The following PIK3R1 variants were observed in gnomAD, a reference collection of about 807,000 sequenced individuals.
PIK3R1 encodes the protein phosphatidylinositol 3-kinase regulatory subunit alpha.
Under a neutral mutation model 98.0 loss-of-function variants are expected in PIK3R1, and 29 were observed. That is an observed-to-expected ratio of 0.30 (90% CI 0.22 to 0.40). The LOEUF (loss-of-function observed/expected upper bound fraction) is 0.40. PIK3R1 is among the 10% of genes least tolerant of loss of function. The probability of loss-of-function intolerance (pLI) is 1.00; values close to 1 mark genes in which losing one functional copy is unlikely to be tolerated. For synonymous variants in PIK3R1, 282 were observed against 311.8 expected (o/e 0.90, Z 1.01); for missense variants, 596 against 872.7 (o/e 0.68, Z 3.99).
In PIK3R1 at chr5:68,279,590, ATTGT is replaced by A; in HGVS notation, c.503-9_503-6del. On this transcript the variant is annotated splice_region_variant and splice_polypyrimidine_tract_variant and intron_variant, in intron 4 of 15. Coordinates refer to ENST00000521381, the MANE Select transcript of PIK3R1 (RefSeq NM_181523.3). Reference sequence around the variant, plus strand: ...AATAAATGTCTGAAATATTTCTTAAATTGTTTCCTAGATACACCCTCCGTGGACT... The same window carrying A: ...AATAAATGTCTGAAATATTTCTTAAATTCCTAGATACACCCTCCGTGGACT... 2 of 1,609,006 alleles carry A rather than the reference ATTGT, an allele frequency of 1.2e-6. No individual in the cohort carries two copies. The highest frequency in any genetic ancestry group is 1.7e-6 in the Non-Finnish European group (2 of 1,177,424).
intron 4 of PIK3R1, among the ~76,000 whole-genome samples, chr5:68,276,197 G>T (rs1042288266): frequency 6.6e-6 from 1 of 152,106 alleles, no homozygotes; most frequent in Non-Finnish European, 1.5e-5. Flanking sequence ...GGCTTTCTTA[G>T]CCTTGGTACT....
chr5:68,247,489 A>G (rs1346410487), intron 2 of PIK3R1, among the ~76,000 whole-genome samples: 1 of 150,874 alleles, frequency 6.6e-6, no homozygotes, highest in African/African-American at 2.4e-5. Context: ...ATGGGGTTTC[A>G]CCATGTTGCC....
At chr5:68,293,610 T>A (rs911712708) in intron 10 of PIK3R1, 99 bp from the exon 11 acceptor site, 13 of 1,151,514 alleles carry the variant, frequency 1.1e-5, no homozygotes, top group Non-Finnish European at 1.6e-5. Flanking sequence ...CGTAATTACA[T>A]AATTGCAATT....
At chr5:68,233,949 T>G (rs1737378180) in intron 2 of PIK3R1, among the ~76,000 whole-genome samples, 1 of 152,232 alleles carries the variant, frequency 6.6e-6, no homozygotes, top group African/African-American at 2.4e-5. Flanking sequence ...GTTGGTAGAT[T>G]ATGTAATGCC....
chr5:68,266,431 GTTAATTA>G (rs1213227585), intron 2 of PIK3R1, among the ~76,000 whole-genome samples: 1 of 152,098 alleles, frequency 6.6e-6, no homozygotes, highest in Admixed American at 6.5e-5. Flanking sequence ...CATTTACAGT[GTTAATTA>G]TCTGCATTTC....
chr5:68,274,607 A>G (rs185562519), intron 4 of PIK3R1, among the ~76,000 whole-genome samples: 1 of 152,248 alleles, frequency 6.6e-6, no homozygotes, highest in East Asian at 1.9e-4. Flanking sequence ...GCATCTGCCC[A>G]TTTTTGTGGC....
intron 2 of PIK3R1, among the ~76,000 whole-genome samples, chr5:68,245,511 C>T (rs1295453423): frequency 4.6e-5 from 7 of 152,298 alleles, no homozygotes. Flanking sequence ...GAGTTCTGAA[C>T]AATGCCCTTG....
intron 11 of PIK3R1, 49 bp downstream of exon 11, chr5:68,293,883 TAA>T: frequency 7.1e-7 from 1 of 1,412,806 alleles, no homozygotes. Flanking sequence ...TCTAAACTTT[TAA>T]AGACTAACAT....
At chr5:68,241,593 A>G (rs1377863699) in intron 2 of PIK3R1, among the ~76,000 whole-genome samples, 1 of 152,204 alleles carries the variant, frequency 6.6e-6, no homozygotes, top group African/African-American at 2.4e-5. Context: ...TGCTCTACCT[A>G]CCTAATCTCA....
At chr5:68,257,212 G>A (rs1745552612) in intron 2 of PIK3R1, among the ~76,000 whole-genome samples, 1 of 152,226 alleles carries the variant, frequency 6.6e-6, no homozygotes, top group South Asian at 2.1e-4. Flanking sequence ...ACAGGTGGCT[G>A]ATAGCTGCTC....
Position 68,299,050 on chromosome 5 carries a change from A to C in PIK3R1, c.*1449A>C, listed in dbSNP as rs1747894171. The C allele has an allele frequency of 4.3e-6, 1 of 233,440 alleles. No individual in the cohort carries two copies. Among genetic ancestry groups the C allele is most frequent in the Admixed American group, 5.6e-5 (1 of 17,784 alleles). The allele number at this position is 233,440 out of a possible 1,614,324, so 14.5% of individuals were successfully genotyped here. On this transcript the variant is annotated 3_prime_UTR_variant, in exon 16 of 16. Transcript: ENST00000521381. ...ATCAATTAATGACAATTACAAACCT[A>C]CTGTATCTCTAATACAGTGTGACTG... is the stretch of plus-strand genomic sequence containing the variant.
At chr5:68,278,513 A>G (rs943443763) in intron 4 of PIK3R1, among the ~76,000 whole-genome samples, 3 of 152,178 alleles carry the variant, frequency 2.0e-5, no homozygotes, top group Admixed American at 6.5e-5. Flanking sequence ...CATTTACTAT[A>G]TGACTAACCA....
chr5:68,301,418 A>AT lies in PIK3R1; in HGVS notation c.*3818dup, dbSNP rs1561308293. On this transcript the variant is annotated 3_prime_UTR_variant, in exon 16 of 16. Coordinates refer to ENST00000521381, the MANE Select transcript of PIK3R1 (RefSeq NM_181523.3). The stretch of plus-strand genomic sequence containing the variant: ...TATATATATATATATATATATATAT[A>AT]TATATATATATATATGTGTGTGTAT... The AT allele has an allele frequency of 9.8e-6, 1 of 102,330 alleles. No individual in the cohort carries two copies. Among genetic ancestry groups the AT allele is most frequent in the Non-Finnish European group, 1.9e-5 (1 of 53,750 alleles). 6.3% of individuals were successfully genotyped at this position (102,330 alleles called of 1,614,324 possible).
chr5:68,244,589 CAA>C (rs752534278), intron 2 of PIK3R1, among the ~76,000 whole-genome samples: 16 of 105,706 alleles, frequency 1.5e-4, no homozygotes, highest in Admixed American at 2.3e-4. Flanking sequence ...CTCTGGACCT[CAA>C]AAAAAAAAAA....
intron 7 of PIK3R1, among the ~76,000 whole-genome samples, chr5:68,289,569 C>T (rs1042561797): frequency 6.6e-6 from 1 of 151,710 alleles, no homozygotes; most frequent in African/African-American, 2.4e-5. Flanking sequence ...CCCCTCCCCC[C>T]CCGCCATCAT....
chr5:68,258,833 GTTCTTAGTA>G (rs1745627212), intron 2 of PIK3R1, among the ~76,000 whole-genome samples: 2 of 152,162 alleles, frequency 1.3e-5, no homozygotes, highest in Admixed American at 6.5e-5. Context: ...ATTGCAGCAG[GTTCTTAGTA>G]CATAACAAAC....
chr5:68,246,928 AAG>A (rs1745118672), intron 2 of PIK3R1, among the ~76,000 whole-genome samples: 3 of 152,230 alleles, frequency 2.0e-5, no homozygotes, highest in Non-Finnish European at 4.4e-5. Context: ...GCTGAGCCTT[AAG>A]AGGGGAGAGG....
At chr5:68,265,310 C>A (rs1746078481) in intron 2 of PIK3R1, among the ~76,000 whole-genome samples, 1 of 152,178 alleles carries the variant, frequency 6.6e-6, no homozygotes. Flanking sequence ...TTGACATTGA[C>A]ATTTTCTAGA....
intron 2 of PIK3R1, among the ~76,000 whole-genome samples, chr5:68,232,475 A>G (rs1744516537): frequency 6.6e-6 from 1 of 152,246 alleles, no homozygotes; most frequent in East Asian, 1.9e-4. Flanking sequence ...GGGGCCTGTG[A>G]GTAGGGAGGC....
Sources: gnomAD v4.1 joint callset for allele counts (sites outside exome capture counted in the v4.1 genomes callset) on GRCh38, gnomAD v4.1.1 for gene constraint, MANE v1.5 for transcripts, NCBI Gene and HGNC (gene_info 2026-07-23, HGNC 2026-07-21) for gene names.